CTDSPL2: variants seen among roughly 807,000 people sequenced by gnomAD.
CTDSPL2 encodes CTD small phosphatase like 2.
CTDSPL2 carries 5 observed loss-of-function variants against 60.0 expected under a neutral mutation model. The observed-to-expected ratio is 0.08, with a 90% CI of 0.04 to 0.18. CTDSPL2 has a LOEUF of 0.18. CTDSPL2 is among the 10% of genes least tolerant of loss of function. The pLI is 1.00. For synonymous variants in CTDSPL2, 186 were observed against 189.3 expected, an observed-to-expected ratio of 0.98 and a Z score of 0.14; for missense variants, 370 against 548.8, an observed-to-expected ratio of 0.67 and a Z score of 3.26.
intron 1 of CTDSPL2, among the ~76,000 whole-genome samples, chr15:44,457,419 A>G (rs984495206): frequency 6.6e-6 from 1 of 152,162 alleles, no homozygotes; most frequent in Non-Finnish European, 1.5e-5. Flanking sequence ...TCATGAACCA[A>G]ATAGTGCTAG....
rs529954145 is a variant in CTDSPL2, at chr15:44,433,694, G to A, written c.-25+5922G>A. ...TGTTTTTGTTTTTGTTTTTTGAGAC[G>A]GAGTCTCGCTCTGTCACCCAGGCTG... On this transcript the variant is annotated intron_variant, in intron 1 of 12. Transcript: ENST00000260327. Among the ~76,000 whole-genome samples the A allele has an allele frequency of 7.2e-5, 11 of 151,866 alleles. No individual in the cohort carries two copies. In the East Asian group the frequency reaches 2.0e-3, roughly 27 times the overall value.
intron 8 of CTDSPL2, chr15:44,503,975 T>C (rs186619680): frequency 5.7e-4 from 87 of 152,366 alleles, no homozygotes; most frequent in African/African-American, 2.0e-3. Flanking sequence ...AGGCCACGGT[T>C]AGCAAAGCTT....
At chr15:44,522,714 C>T (rs1182417929) in intron 12 of CTDSPL2, among the ~76,000 whole-genome samples, 5 of 152,120 alleles carry the variant, frequency 3.3e-5, no homozygotes, top group African/African-American at 1.2e-4. Context: ...GATTGCACCA[C>T]TGCACTCCAG....
At chr15:44,429,236 A>G (rs149378954) in intron 1 of CTDSPL2, among the ~76,000 whole-genome samples, 216 of 152,296 alleles carry the variant, frequency 1.4e-3, no homozygotes, top group Non-Finnish European at 2.9e-3. Context: ...TCTTATGTGA[A>G]GGAGTTTTTT....
chr15:44,510,326 T>C (rs1201277180), intron 8 of CTDSPL2, among the ~76,000 whole-genome samples: 4 of 152,180 alleles, frequency 2.6e-5, no homozygotes, highest in African/African-American at 4.8e-5. Context: ...GATATTCTGA[T>C]AGATTTTCAT....
intron 1 of CTDSPL2, among the ~76,000 whole-genome samples, chr15:44,435,630 G>A (rs1198237572): frequency 2.7e-5 from 4 of 146,516 alleles, no homozygotes; most frequent in African/African-American, 7.5e-5. Context: ...TTTTTGAGGC[G>A]GAGTCTCGCT....
At chr15:44,460,677 G>A (rs1295513623) in intron 2 of CTDSPL2, among the ~76,000 whole-genome samples, 3 of 151,686 alleles carry the variant, frequency 2.0e-5, no homozygotes, top group Non-Finnish European at 4.4e-5. Flanking sequence ...GTTTGCATAG[G>A]GTTTTAATTT....
chr15:44,444,286 T>C (rs932950907), intron 1 of CTDSPL2, among the ~76,000 whole-genome samples: 7 of 149,718 alleles, frequency 4.7e-5, no homozygotes, highest in African/African-American at 1.7e-4. Flanking sequence ...AAATCCAATG[T>C]TATGAGCTTT....
chr15:44,480,966 A>G (rs2081016614), intron 2 of CTDSPL2, among the ~76,000 whole-genome samples: 1 of 152,202 alleles, frequency 6.6e-6, no homozygotes, highest in Admixed American at 6.5e-5. Context: ...AAATCCTACC[A>G]TGTTCAAAGT....
In CTDSPL2 at chr15:44,524,198, G is replaced by A; in HGVS notation, c.*24G>A. 6.3e-7 allele frequency: 1 copy of A among 1,589,670 alleles called. No individual in the cohort carries two copies. Among genetic ancestry groups the A allele is most frequent in the Non-Finnish European group, 8.6e-7 (1 of 1,158,118 alleles). Reference sequence around the variant, plus strand: ...AAGTACAAAGACTTGTCAAATCACTGAAGGGGGAGAGAATGCAGGACCCTT... The same window carrying A: ...AAGTACAAAGACTTGTCAAATCACTAAAGGGGGAGAGAATGCAGGACCCTT... On this transcript the variant is annotated 3_prime_UTR_variant, in exon 13 of 13. Coordinates refer to ENST00000260327, the MANE Select transcript of CTDSPL2 (RefSeq NM_016396.3).
chr15:44,448,133 A>C (rs1347979287), intron 1 of CTDSPL2: 1 of 253,058 alleles, frequency 4.0e-6, no homozygotes. Context: ...GGAACCATGC[A>C]CTCCACACCA....
chr15:44,489,598 G>A (rs1273347936), intron 4 of CTDSPL2, among the ~76,000 whole-genome samples: 1 of 152,194 alleles, frequency 6.6e-6, no homozygotes, highest in Non-Finnish European at 1.5e-5. Flanking sequence ...AGCTATGGTA[G>A]TAACTGATAT....
At chr15:44,483,042 C>T (rs960941917) in intron 2 of CTDSPL2, among the ~76,000 whole-genome samples, 6 of 151,990 alleles carry the variant, frequency 3.9e-5, no homozygotes, top group Non-Finnish European at 7.4e-5. Context: ...AGGCGAATCA[C>T]GAGGTCAGGA....
chr15:44,444,643 G>T (rs1417928605), intron 1 of CTDSPL2, among the ~76,000 whole-genome samples: 1 of 151,628 alleles, frequency 6.6e-6, no homozygotes, highest in East Asian at 1.9e-4. Flanking sequence ...ACCACACCCA[G>T]CCTATATTTT....
chr15:44,437,767 A>G (rs1301249556), intron 1 of CTDSPL2, among the ~76,000 whole-genome samples: 1 of 152,244 alleles, frequency 6.6e-6, no homozygotes, highest in Non-Finnish European at 1.5e-5. Flanking sequence ...GAAACAGATT[A>G]TTTAATACAA....
chr15:44,428,943 G>A (rs957323960), intron 1 of CTDSPL2, among the ~76,000 whole-genome samples: 2 of 152,116 alleles, frequency 1.3e-5, no homozygotes, highest in Non-Finnish European at 2.9e-5. Flanking sequence ...GAGGCTGTTG[G>A]TGTTTTCGGA....
chr15:44,473,547 G>A (rs895587426), intron 2 of CTDSPL2, among the ~76,000 whole-genome samples: 2 of 152,020 alleles, frequency 1.3e-5, no homozygotes, highest in Non-Finnish European at 2.9e-5. Context: ...CACCCGCCCC[G>A]GCCTCCCAAA....
chr15:44,464,500 G>C (rs979049149), intron 2 of CTDSPL2, among the ~76,000 whole-genome samples: 3 of 151,942 alleles, frequency 2.0e-5, no homozygotes, highest in Non-Finnish European at 4.4e-5. Flanking sequence ...CTTTATTATT[G>C]TCTGTCAAAG....
chr15:44,490,062 A>G (rs919334927), intron 4 of CTDSPL2, among the ~76,000 whole-genome samples: 4 of 152,032 alleles, frequency 2.6e-5, no homozygotes, highest in African/African-American at 9.7e-5. Flanking sequence ...TTGGAGGTTA[A>G]TTTTTTTTGT....
Sources: allele counts gnomAD v4.1 joint callset (sites outside exome capture counted in the v4.1 genomes callset), GRCh38; gene constraint gnomAD v4.1.1; transcripts MANE v1.5; gene names NCBI Gene and HGNC (gene_info 2026-07-23, HGNC 2026-07-21).